Variants in CENPP observed in about 807,000 individuals in gnomAD.
CENPP encodes centromere protein P.
CENPP carries 24 observed loss-of-function variants against 35.6 expected under a neutral mutation model. That is an observed-to-expected ratio of 0.67 (90% CI 0.49 to 0.95). The LOEUF (loss-of-function observed/expected upper bound fraction) is 0.95, where lower values mean the gene tolerates loss of function less well. Ranked by LOEUF, CENPP falls within the 40% of genes least tolerant of loss-of-function variation. The pLI is 0.00. For synonymous variants in CENPP, 120 were observed against 125.5 expected (o/e 0.96, Z 0.29); for missense variants, 332 against 345.3 (o/e 0.96, Z 0.31).
intron 5 of CENPP, among the ~76,000 whole-genome samples, chr9:92,545,409 G>T (rs1225836591): frequency 6.6e-6 from 1 of 152,172 alleles, no homozygotes; most frequent in Non-Finnish European, 1.5e-5. Flanking sequence ...AGCTGCGGAG[G>T]GTGCGTCGGG....
chr9:92,399,046 C>T (rs1843002642), intron 5 of CENPP, among the ~76,000 whole-genome samples: 1 of 150,144 alleles, frequency 6.7e-6, no homozygotes, highest in Admixed American at 6.6e-5. Flanking sequence ...GAGAGCGAGA[C>T]TCTGTCTCAA....
intron 5 of CENPP, among the ~76,000 whole-genome samples, chr9:92,411,642 C>T (rs1843447123): frequency 6.6e-6 from 1 of 152,166 alleles, no homozygotes; most frequent in African/African-American, 2.4e-5. Context: ...TAAGGCTGTT[C>T]TTTGAGAATT....
chr9:92,488,421 A>G (rs1846109581), intron 5 of CENPP, among the ~76,000 whole-genome samples: 1 of 152,228 alleles, frequency 6.6e-6, no homozygotes, highest in African/African-American at 2.4e-5. Flanking sequence ...ACTTGGGTAT[A>G]TGAATACTTA....
intron 5 of CENPP, among the ~76,000 whole-genome samples, chr9:92,546,986 A>C (rs1250243226): frequency 6.6e-6 from 1 of 152,196 alleles, no homozygotes; most frequent in African/African-American, 2.4e-5. Context: ...GTCAGAAGGA[A>C]AATTTTGCAG....
At chr9:92,373,112 G>A (rs1190342881) in intron 4 of CENPP, among the ~76,000 whole-genome samples, 2 of 152,088 alleles carry the variant, frequency 1.3e-5, no homozygotes, top group Non-Finnish European at 2.9e-5. Flanking sequence ...TGTCCCAAAT[G>A]TCACAAAGCC....
intron 5 of CENPP, among the ~76,000 whole-genome samples, chr9:92,585,939 A>G (rs1448241382): frequency 6.6e-6 from 1 of 152,106 alleles, no homozygotes; most frequent in African/African-American, 2.4e-5. Flanking sequence ...GTTCATTCTG[A>G]CCTGTCTGCT....
At chr9:92,596,658 G>A (rs949129385) in intron 5 of CENPP, among the ~76,000 whole-genome samples, 3 of 151,826 alleles carry the variant, frequency 2.0e-5, no homozygotes, top group African/African-American at 4.8e-5. Context: ...AGAGTTAGTC[G>A]GAAGTCCATA....
chr9:92,467,142 CTT>C, intron 5 of CENPP, among the ~76,000 whole-genome samples: 1 of 152,152 alleles, frequency 6.6e-6, no homozygotes, highest in Non-Finnish European at 1.5e-5. Flanking sequence ...GACTCAATCT[CTT>C]ATCAGTTTTT....
chr9:92,616,212 G>T lies in CENPP; in HGVS notation c.*3063G>T. The T allele has an allele frequency of 1.7e-6, 1 of 598,262 alleles. No homozygotes were observed. Among genetic ancestry groups the T allele is most frequent in the South Asian group, 2.0e-5 (1 of 50,282 alleles). 37.1% of individuals were successfully genotyped at this position (598,262 alleles called of 1,614,324 possible). ...TAAATCAATCTCTTTTAAAAGAGAA[G>T]TGAATGGCCTCACACCCCAGCTCAC... On this transcript the variant is annotated 3_prime_UTR_variant, in exon 8 of 8. Transcript: ENST00000375587.
chr9:92,447,611 C>T (rs911704318), intron 5 of CENPP, among the ~76,000 whole-genome samples: 2 of 152,122 alleles, frequency 1.3e-5, no homozygotes, highest in African/African-American at 2.4e-5. Flanking sequence ...GTTATAGACC[C>T]CTGGCATAGT....
chr9:92,365,201 G>A (rs1841856080), intron 4 of CENPP, among the ~76,000 whole-genome samples: 1 of 151,978 alleles, frequency 6.6e-6, no homozygotes, highest in Non-Finnish European at 1.5e-5. Flanking sequence ...TAAGTGGTGG[G>A]GAGAAAATAA....
intron 5 of CENPP, chr9:92,389,818 C>G (rs1413179702): frequency 7.2e-7 from 1 of 1,392,992 alleles, no homozygotes; most frequent in Admixed American, 1.7e-5. Context: ...CATATCATCA[C>G]TCATACTATG....
At chr9:92,605,587 A>G (rs118087111) in intron 5 of CENPP, among the ~76,000 whole-genome samples, 52 of 152,324 alleles carry the variant, frequency 3.4e-4, no homozygotes, top group Middle Eastern at 3.4e-3. Context: ...AGACAACTGG[A>G]TATTCACAGA....
intron 5 of CENPP, among the ~76,000 whole-genome samples, chr9:92,383,086 CAG>C (rs1474031303): frequency 3.3e-5 from 5 of 151,778 alleles, no homozygotes; most frequent in African/African-American, 1.2e-4. Context: ...TTAATAGAGA[CAG>C]AGTTTAACCA....
intron 5 of CENPP, among the ~76,000 whole-genome samples, chr9:92,471,488 C>T (rs1357581124): frequency 1.3e-5 from 2 of 152,008 alleles, no homozygotes; most frequent in Non-Finnish European, 2.9e-5. Flanking sequence ...AGCCACCGCA[C>T]CCAGCCGGGT....
chr9:92,325,671 G>A (rs1380162606), upstream of CENPP: 2 of 307,430 alleles, frequency 6.5e-6, no homozygotes, highest in East Asian at 1.4e-4. Context: ...TGAGGCACGC[G>A]GCCGGGCGGC....
intron 5 of CENPP, chr9:92,403,226 T>A (rs1843191184): frequency 5.2e-6 from 8 of 1,531,206 alleles, no homozygotes; most frequent in African/African-American, 4.1e-5. Flanking sequence ...AGAATAGAAA[T>A]AAAGTACCTT....
chr9:92,509,770 C>G (rs1847224078), intron 5 of CENPP: 1 of 1,008,740 alleles, frequency 9.9e-7, no homozygotes, highest in African/African-American at 1.7e-5. Flanking sequence ...GTTTTATCAA[C>G]TCAAATGGTT....
chr9:92,471,343 T>A (rs1845507083), intron 5 of CENPP, among the ~76,000 whole-genome samples: 1 of 151,748 alleles, frequency 6.6e-6, no homozygotes, highest in Admixed American at 6.6e-5. Flanking sequence ...ATTACAGGTG[T>A]GTGCCACCAC....
Sources: gnomAD v4.1 joint callset for allele counts (sites outside exome capture counted in the v4.1 genomes callset) on GRCh38, gnomAD v4.1.1 for gene constraint, MANE v1.5 for transcripts, NCBI Gene and HGNC (gene_info 2026-07-23, HGNC 2026-07-21) for gene names.